Variants in RAD51B observed in about 807,000 individuals in gnomAD.
RAD51B encodes DNA repair protein RAD51 homolog 2.
A neutral mutation model predicts 42.2 loss-of-function variants in RAD51B; 38 were observed. The observed-to-expected ratio is 0.90, with a 90% confidence interval of 0.70 to 1.18. The LOEUF is 1.18. Among genes scored for constraint, RAD51B ranks in the 50% most tolerant of loss-of-function variants. The pLI is 0.00. For synonymous variants in RAD51B, 154 were observed against 145.2 expected (o/e 1.06, Z -0.43); for missense variants, 373 against 400.7 (o/e 0.93, Z 0.59).
chr14:68,398,169 G>A lies in RAD51B; in HGVS notation c.854-13255G>A, dbSNP rs143592600. On this transcript the variant is annotated intron_variant, in intron 8 of 10. Transcript: ENST00000471583. ...TAAAGCTGGGGAAGGCCTGGGCCGG[G>A]GCCCAGCTCTCCCTCTGACCAGGTG... Among the ~76,000 whole-genome samples, 853 of 152,362 alleles carry A rather than the reference G, an allele frequency of 5.6e-3. 5 individuals carry two copies. The highest frequency in any genetic ancestry group is 9.2e-3 in the Non-Finnish European group (626 of 68,038).
At chr14:68,659,485 C>A (rs575236666) in intron 11 of RAD51B, among the ~76,000 whole-genome samples, 3 of 152,116 alleles carry the variant, frequency 2.0e-5, no homozygotes, top group East Asian at 3.9e-4. Context: ...GGGCGGGAGG[C>A]GGGTAGGAGG....
intron 7 of RAD51B, among the ~76,000 whole-genome samples, chr14:68,158,995 G>T (rs902108451): frequency 1.3e-5 from 2 of 151,914 alleles, no homozygotes; most frequent in African/African-American, 4.8e-5. Flanking sequence ...CAAAGATTTG[G>T]TTATTTTTTT....
intron 7 of RAD51B, among the ~76,000 whole-genome samples, chr14:68,219,849 C>A (rs2079890438): frequency 6.6e-6 from 1 of 152,022 alleles, no homozygotes; most frequent in Admixed American, 6.6e-5. Flanking sequence ...CTCTGAATTG[C>A]CAGAATAATA....
intron 10 of RAD51B, among the ~76,000 whole-genome samples, chr14:68,538,471 CAG>C (rs1052778443): frequency 6.6e-6 from 1 of 152,182 alleles, no homozygotes; most frequent in African/African-American, 2.4e-5. Context: ...TGTAGGCAAA[CAG>C]AATATATTTT....
chr14:68,620,648 A>G (rs1485913668), intron 10 of RAD51B, among the ~76,000 whole-genome samples: 1 of 152,182 alleles, frequency 6.6e-6, no homozygotes, highest in African/African-American at 2.4e-5. Flanking sequence ...GTTAATTAAT[A>G]CCCCAAATCC....
intron 10 of RAD51B, among the ~76,000 whole-genome samples, chr14:68,489,622 G>A (rs1883912692): frequency 6.6e-6 from 1 of 152,190 alleles, no homozygotes; most frequent in Non-Finnish European, 1.5e-5. Context: ...TGAAAAAGTA[G>A]ACACATTGCT....
At chr14:67,829,915 G>C (rs1364346765) in intron 3 of RAD51B, among the ~76,000 whole-genome samples, 2 of 152,182 alleles carry the variant, frequency 1.3e-5, no homozygotes, top group South Asian at 2.1e-4. Flanking sequence ...GGATTACTTA[G>C]TTTGGGGGTC....
rs61985071 is a variant in RAD51B, at chr14:68,136,456, G to T, written c.757-155428G>T. 4.8e-5 allele frequency among the ~76,000 whole-genome samples: 3 copies of T among 62,126 alleles called. 1 individual carries two copies. The highest frequency in any genetic ancestry group is 9.6e-5 in the Non-Finnish European group (2 of 20,746). The allele number at this position is 62,126 out of a possible 152,430, so 40.8% of individuals were successfully genotyped here. A position where few individuals can be genotyped will look rare whatever the true frequency, so the allele number is the denominator to read the frequency against. ...AGCTGAGCATGGTGGCACATGCCTG[G>T]AGTCCCAGCTACTTGGGAGGCTGAG... On this transcript the variant is annotated intron_variant, in intron 7 of 10. Transcript: ENST00000471583.
At chr14:68,110,350 C>T (rs1360480369) in intron 7 of RAD51B, among the ~76,000 whole-genome samples, 2 of 151,866 alleles carry the variant, frequency 1.3e-5, no homozygotes, top group Admixed American at 1.3e-4. Flanking sequence ...CATACTGTTC[C>T]ACAATCCCCT....
At chr14:68,602,395 C>T (rs901656554) in intron 10 of RAD51B, among the ~76,000 whole-genome samples, 1 of 152,128 alleles carries the variant, frequency 6.6e-6, no homozygotes, top group Non-Finnish European at 1.5e-5. Flanking sequence ...CTCCTCCTGC[C>T]TTTGTCCAGT....
chr14:68,506,578 T>C (rs1289686633), intron 10 of RAD51B, among the ~76,000 whole-genome samples: 1 of 152,180 alleles, frequency 6.6e-6, no homozygotes, highest in Non-Finnish European at 1.5e-5. Flanking sequence ...AATATAAACA[T>C]CCTTGGCTCC....
chr14:68,117,941 G>T (rs1013191202), intron 7 of RAD51B, among the ~76,000 whole-genome samples: 2 of 152,078 alleles, frequency 1.3e-5, no homozygotes, highest in Non-Finnish European at 2.9e-5. Context: ...GTCTCACATT[G>T]ACTTAAAGTC....
At chr14:68,240,271 T>A (rs976614156) in intron 7 of RAD51B, among the ~76,000 whole-genome samples, 2 of 152,214 alleles carry the variant, frequency 1.3e-5, no homozygotes, top group Non-Finnish European at 2.9e-5. Context: ...CGCCTTTCAC[T>A]CCAGGAGCTG....
intron 7 of RAD51B, among the ~76,000 whole-genome samples, chr14:68,250,175 A>G (rs981133704): frequency 7.2e-5 from 11 of 152,186 alleles, no homozygotes; most frequent in African/African-American, 2.4e-4. Context: ...TTTATTTAAG[A>G]TATTTTTGCT....
At chr14:68,188,415 C>G (rs895178297) in intron 7 of RAD51B, among the ~76,000 whole-genome samples, 1 of 149,668 alleles carries the variant, frequency 6.7e-6, no homozygotes, top group Admixed American at 6.7e-5. Context: ...TTTCTCCCAT[C>G]TTTCTTCTTT....
intron 7 of RAD51B, among the ~76,000 whole-genome samples, chr14:68,276,975 G>A (rs146938577): frequency 1.3e-5 from 2 of 152,326 alleles, no homozygotes; most frequent in Non-Finnish European, 1.5e-5. Context: ...GAAAAGATGA[G>A]TGTACAAAGC....
chr14:68,313,757 G>A (rs1171143477), intron 8 of RAD51B, among the ~76,000 whole-genome samples: 4 of 152,218 alleles, frequency 2.6e-5, no homozygotes, highest in Non-Finnish European at 4.4e-5. Context: ...CATAGATTGA[G>A]TGACAATCAG....
intron 9 of RAD51B, among the ~76,000 whole-genome samples, chr14:68,431,001 G>C (rs1415812684): frequency 6.6e-6 from 1 of 152,108 alleles, no homozygotes; most frequent in Non-Finnish European, 1.5e-5. Flanking sequence ...TGCATCTACC[G>C]ATATAATCAT....
chr14:68,372,102 A>G (rs2083277020), intron 8 of RAD51B, among the ~76,000 whole-genome samples: 1 of 152,198 alleles, frequency 6.6e-6, no homozygotes, highest in Non-Finnish European at 1.5e-5. Context: ...TGAAGCTAAT[A>G]TTTCAAGAAG....
Sources: allele counts gnomAD v4.1 joint callset (sites outside exome capture counted in the v4.1 genomes callset), GRCh38; gene constraint gnomAD v4.1.1; transcripts MANE v1.5; gene names NCBI Gene and HGNC (gene_info 2026-07-23, HGNC 2026-07-21).